The following STAMBP variants were observed in gnomAD, a reference collection of about 807,000 sequenced individuals.
STAMBP encodes STAM binding protein, also known as STAM-binding protein.
Under a neutral mutation model 50.7 loss-of-function variants are expected in STAMBP, and 31 were observed. The observed-to-expected ratio is 0.61, with a 90% CI of 0.46 to 0.83. STAMBP has a LOEUF of 0.83. Ranked by LOEUF, STAMBP falls within the 40% of genes least tolerant of loss-of-function variation. The pLI is 0.00. For synonymous variants in STAMBP, 211 were observed against 192.4 expected, an observed-to-expected ratio of 1.10 and a Z score of -0.80; for missense variants, 472 against 518.9, an observed-to-expected ratio of 0.91 and a Z score of 0.88.
At chr2:73,868,801 G>A (rs552065557), downstream of STAMBP, among the ~76,000 whole-genome samples, 4 of 152,112 alleles carry the variant, frequency 2.6e-5, no homozygotes, top group African/African-American at 9.6e-5. Context: ...CTGAGCCCAG[G>A]GAGGTCAAGG....
chr2:73,847,217 G>A (rs1272232560), intron 4 of STAMBP, among the ~76,000 whole-genome samples, 170 bp from the exon 5 acceptor site: 1 of 152,130 alleles, frequency 6.6e-6, no homozygotes, highest in African/African-American at 2.4e-5. Flanking sequence ...AAGGGGTGGT[G>A]ACTACACTCC....
At chr2:73,867,173 TG>T (rs991684504), downstream of STAMBP, 6 of 152,212 alleles carry the variant, frequency 3.9e-5, no homozygotes, top group African/African-American at 1.4e-4. Flanking sequence ...AATTAATAAA[TG>T]GTAAGGCTTT....
At chr2:73,843,765 ATTC>A (rs956391164) in intron 2 of STAMBP, among the ~76,000 whole-genome samples, 4 of 152,208 alleles carry the variant, frequency 2.6e-5, no homozygotes, top group Non-Finnish European at 4.4e-5. Context: ...TTTATTGAGG[ATTC>A]TTCTTCCAAT....
At chr2:73,859,967 G>T in intron 8 of STAMBP, 85 bp from the exon 9 acceptor site, 1 of 908,252 alleles carries the variant, frequency 1.1e-6, no homozygotes. Flanking sequence ...GTGTGAGTGT[G>T]CATGCTGGTG....
intron 2 of STAMBP, among the ~76,000 whole-genome samples, chr2:73,844,103 T>A (rs755736111): frequency 2.0e-5 from 3 of 152,236 alleles, no homozygotes; most frequent in Non-Finnish European, 2.9e-5. Flanking sequence ...TAAGTAGATG[T>A]CTTAAATGTT....
At chr2:73,844,206 C>A (rs1192213835) in intron 2 of STAMBP, among the ~76,000 whole-genome samples, 2 of 152,204 alleles carry the variant, frequency 1.3e-5, no homozygotes, top group East Asian at 3.8e-4. Context: ...CTTATATTTA[C>A]CTAAGCACTT....
chr2:73,862,238 G>A lies in STAMBP; in HGVS notation c.1254G>A (p.Val418=). ...CSHVTVVDRA[V]TITDLR Reference sequence around the variant, plus strand: ...ACGTGACTGTTGTGGACAGAGCAGTGACCATCACAGACCTTCGATGAGCGT... The same window carrying A: ...ACGTGACTGTTGTGGACAGAGCAGTAACCATCACAGACCTTCGATGAGCGT... Residue 418 remains valine, a synonymous_variant, in exon 10 of 10, where the codon GTG becomes GTA. Transcript: ENST00000394070. 3 of 1,611,886 alleles carry A rather than the reference G, an allele frequency of 1.9e-6. No individual in the cohort carries two copies. The highest frequency in any genetic ancestry group is 2.5e-6 in the Non-Finnish European group (3 of 1,179,268).
At position 73,859,219 on chromosome 2, in the gene STAMBP, C is replaced by A. The variant is rs766648645; in HGVS notation, c.1006-35C>A. On this transcript the variant is annotated intron_variant, in intron 7 of 9. Coordinates refer to ENST00000394070, the MANE Select transcript of STAMBP (RefSeq NM_213622.4). ...ATAAGGAGGGATTACCATATATCCTCGCTAAGAGTCCTCTGACTCTTTTTC... is the reference window on the plus strand; with the variant it reads ...ATAAGGAGGGATTACCATATATCCTAGCTAAGAGTCCTCTGACTCTTTTTC... The A allele has an allele frequency of 3.2e-6, 5 of 1,547,850 alleles. No individual in the cohort carries two copies. The African/African-American group carries it at 4.1e-5, about 13-fold the overall frequency.
chr2:73,833,657 G>A (rs1674229416), intron 2 of STAMBP, among the ~76,000 whole-genome samples: 1 of 152,150 alleles, frequency 6.6e-6, no homozygotes, highest in Non-Finnish European at 1.5e-5. Context: ...GGTATTTCCT[G>A]AAGGGCCTTC....
intron 7 of STAMBP, among the ~76,000 whole-genome samples, chr2:73,857,644 C>T (rs1194830862): frequency 1.3e-5 from 2 of 152,180 alleles, no homozygotes; most frequent in African/African-American, 2.4e-5. Flanking sequence ...GGACGGCATG[C>T]GCTTGCCTGG....
chr2:73,847,011 G>C (rs564787603), intron 4 of STAMBP, among the ~76,000 whole-genome samples: 2 of 151,288 alleles, frequency 1.3e-5, no homozygotes, highest in East Asian at 3.9e-4. Flanking sequence ...GAGCCTGGGA[G>C]GTCAAGGCTG....
chr2:73,853,207 G>C lies in STAMBP; in HGVS notation c.1005+2694G>C, dbSNP rs145627990. The stretch of plus-strand genomic sequence containing the variant: ...TTTTAGGCATTAATGGGAGTAGACT[G>C]TAAGAGTTTAAGAACTCATAGGGAT... On this transcript the variant is annotated intron_variant, in intron 7 of 9. Transcript: ENST00000394070. 6.5e-3 allele frequency among the ~76,000 whole-genome samples: 982 copies of C among 152,214 alleles called. 10 individuals are homozygous for C. Among genetic ancestry groups the C allele is most frequent in the African/African-American group, 0.019 (790 of 41,522 alleles).
At chr2:73,841,482 T>A (rs1675387011) in intron 2 of STAMBP, among the ~76,000 whole-genome samples, 1 of 152,240 alleles carries the variant, frequency 6.6e-6, no homozygotes, top group African/African-American at 2.4e-5. Context: ...CAGGGAGTAC[T>A]AGTTTGTCTC....
rs746671676 is a variant in STAMBP at position 73,862,155 on chromosome 2, A to G, written c.1219-48A>G. 7 of 1,532,932 alleles carry G rather than the reference A, an allele frequency of 4.6e-6. No homozygotes were observed. In the South Asian group the frequency reaches 8.5e-5, roughly 19 times the overall value. The allele number at this position is 1,532,932 out of a possible 1,614,324, so 95.0% of individuals were successfully genotyped here. On this transcript the variant is annotated intron_variant, in intron 9 of 9. Coordinates refer to ENST00000394070, the MANE Select transcript of STAMBP (RefSeq NM_213622.4). ...CTATATGAAGAAAAAAAAAAAAAAG[A>G]CTTTTCAGAATTTTCTAGGACTCCA...
chr2:73,856,697 T>C (rs1188932497), intron 7 of STAMBP, among the ~76,000 whole-genome samples: 1 of 152,230 alleles, frequency 6.6e-6, no homozygotes, highest in Admixed American at 6.5e-5. Flanking sequence ...TCCAACATCA[T>C]AGTCCTTGAG....
intron 2 of STAMBP, among the ~76,000 whole-genome samples, chr2:73,832,852 G>A (rs1213141308): frequency 6.6e-6 from 1 of 152,236 alleles, no homozygotes; most frequent in African/African-American, 2.4e-5. Flanking sequence ...CCAAAGGAAA[G>A]TATGCGGAAG....
At chr2:73,834,237 A>AATATATG (rs1674411611) in intron 2 of STAMBP, among the ~76,000 whole-genome samples, 1 of 11,214 alleles carries the variant, frequency 8.9e-5, no homozygotes, top group African/African-American at 5.1e-4. Context: ...AAAAAAAAAA[A>AATATATG]TATATATATA....
intron 3 of STAMBP, 83 bp from the exon 4 acceptor site, chr2:73,845,083 AG>A: frequency 6.3e-7 from 1 of 1,579,310 alleles, no homozygotes; most frequent in Non-Finnish European, 8.6e-7. Flanking sequence ...GAAATGTTGC[AG>A]TCACCAACTT....
Position 73,862,295 on chromosome 2 carries a change from C to A in STAMBP, c.*36C>A, listed in dbSNP as rs375508042. Reference sequence around the variant, plus strand: ...CCAACACCTTCCAAGAACAACAAAACCATATCAGTGTACTGTAGCCCCTTA... The same window carrying A: ...CCAACACCTTCCAAGAACAACAAAAACATATCAGTGTACTGTAGCCCCTTA... On this transcript the variant is annotated 3_prime_UTR_variant, in exon 10 of 10. Transcript: ENST00000394070. The A allele has an allele frequency of 3.1e-6, 5 of 1,591,320 alleles. No homozygotes were observed. Among genetic ancestry groups the A allele is most frequent in the Non-Finnish European group, 4.3e-6 (5 of 1,167,910 alleles).
Sources: gnomAD v4.1 joint callset for allele counts (sites outside exome capture counted in the v4.1 genomes callset) on GRCh38, gnomAD v4.1.1 for gene constraint, MANE v1.5 for transcripts, NCBI Gene and HGNC (gene_info 2026-07-23, HGNC 2026-07-21) for gene names.